GRM8: variants seen among roughly 807,000 people sequenced by gnomAD.
The protein encoded by GRM8 is glutamate metabotropic receptor 8, also known as metabotropic glutamate receptor 8.
Under a neutral mutation model 87.2 loss-of-function variants are expected in GRM8, and 47 were observed. The ratio of observed to expected loss-of-function variants is 0.54; its 90% CI spans 0.43 to 0.69. The LOEUF (loss-of-function observed/expected upper bound fraction) is 0.69. GRM8 is among the 30% of genes least tolerant of loss of function. The pLI is 0.00. For missense variants in GRM8, 1,019 were observed against 1,139.2 expected, an observed-to-expected ratio of 0.89 and a Z score of 1.52; for synonymous variants, 396 against 404.5, an observed-to-expected ratio of 0.98 and a Z score of 0.25.
chr7:126,611,554 A>G, intron 7 of GRM8, among the ~76,000 whole-genome samples: 1 of 152,254 alleles, frequency 6.6e-6, no homozygotes, highest in East Asian at 1.9e-4. Context: ...TCACATTAAC[A>G]TGATCAACTT....
At chr7:127,040,607 A>G (rs921029653) in intron 3 of GRM8, among the ~76,000 whole-genome samples, 7 of 12,524 alleles carry the variant, frequency 5.6e-4, no homozygotes, top group Non-Finnish European at 1.2e-3. Context: ...TCCTTGTGAA[A>G]AAAAAAAAAA....
chr7:127,106,775 T>C lies in GRM8; in HGVS notation c.511-63A>G, dbSNP rs1367086223. The C allele has an allele frequency of 1.3e-5, 16 of 1,209,732 alleles. No individual in the cohort carries two copies. In the African/African-American group the frequency reaches 2.2e-4, roughly 17 times the overall value. 74.9% of individuals were successfully genotyped at this position (1,209,732 alleles called of 1,614,324 possible). A position where few individuals can be genotyped will look rare whatever the true frequency, so the allele number is the denominator to read the frequency against. On this transcript the variant is annotated intron_variant, in intron 2 of 10. Coordinates refer to ENST00000339582, the MANE Select transcript of GRM8 (RefSeq NM_000845.3). ...AATCTTGAAGAATGATGGATTGTCA[T>C]ATGAGCTAAACAGCCAAGGCTATAC...
intron 2 of GRM8, among the ~76,000 whole-genome samples, chr7:127,133,159 C>A (rs1251939364): frequency 2.0e-5 from 3 of 151,768 alleles, no homozygotes; most frequent in Admixed American, 6.6e-5. Flanking sequence ...GTGGCTCACG[C>A]CTGTAATCCC....
intron 3 of GRM8, among the ~76,000 whole-genome samples, chr7:127,076,598 G>T (rs916611): frequency 6.6e-6 from 1 of 151,864 alleles, no homozygotes; most frequent in Non-Finnish European, 1.5e-5. Context: ...CTCCAATGAC[G>T]ACACCCAGAT....
intron 7 of GRM8, among the ~76,000 whole-genome samples, chr7:126,652,265 T>G (rs1335997048): frequency 2.0e-5 from 3 of 152,214 alleles, no homozygotes; most frequent in African/African-American, 7.2e-5. Context: ...GAAGGATAGC[T>G]GCATTATGTT....
rs1341640756 is a variant in GRM8 at position 126,772,230 on chromosome 7, C to T, written c.1157-2165G>A. On this transcript the variant is annotated intron_variant, in intron 6 of 10. Coordinates refer to ENST00000339582, the MANE Select transcript of GRM8 (RefSeq NM_000845.3). ...CTAGGACCAAAACCTGAAGAGCCCC[C>T]GGAAAACCAGGATGGTTGCTTATGA... Among the ~76,000 whole-genome samples, 5 of 152,078 alleles carry T rather than the reference C, an allele frequency of 3.3e-5. No individual in the cohort carries two copies. The East Asian group carries it at 5.8e-4, about 18-fold the overall frequency.
intron 7 of GRM8, among the ~76,000 whole-genome samples, chr7:126,767,296 T>C (rs986290446): frequency 1.3e-5 from 2 of 152,130 alleles, no homozygotes; most frequent in African/African-American, 4.8e-5. Context: ...TGAAATATAC[T>C]ATACTTTCAG....
At chr7:126,996,822 C>G (rs1474366935) in intron 3 of GRM8, among the ~76,000 whole-genome samples, 1 of 151,926 alleles carries the variant, frequency 6.6e-6, no homozygotes, top group Non-Finnish European at 1.5e-5. Flanking sequence ...AGGAGAGAGA[C>G]AGACCTCAGT....
chr7:126,785,310 A>T (rs1031969536), intron 6 of GRM8, among the ~76,000 whole-genome samples: 1 of 152,144 alleles, frequency 6.6e-6, no homozygotes. Flanking sequence ...TCTTTAGAAG[A>T]GCCTTTATGC....
chr7:127,154,808 T>C (rs1240837594), intron 2 of GRM8, among the ~76,000 whole-genome samples: 4 of 152,016 alleles, frequency 2.6e-5, no homozygotes, highest in Non-Finnish European at 4.4e-5. Context: ...TTCTAAAAAG[T>C]AGAAATAATT....
intron 8 of GRM8, among the ~76,000 whole-genome samples, chr7:126,595,787 C>T (rs1797126451): frequency 6.6e-6 from 1 of 152,036 alleles, no homozygotes; most frequent in South Asian, 2.1e-4. Flanking sequence ...CCATGTCTTT[C>T]CTATTGTGAA....
At chr7:126,598,572 G>A (rs1280284537) in intron 8 of GRM8, among the ~76,000 whole-genome samples, 2 of 151,902 alleles carry the variant, frequency 1.3e-5, no homozygotes, top group African/African-American at 2.4e-5. Context: ...TGTGATAAAT[G>A]TATCTTAGTA....
At chr7:126,626,219 C>T (rs1800673504) in intron 7 of GRM8, among the ~76,000 whole-genome samples, 1 of 151,896 alleles carries the variant, frequency 6.6e-6, no homozygotes, top group African/African-American at 2.4e-5. Context: ...AAGAAAGATT[C>T]TCTTTCCATC....
intron 2 of GRM8, among the ~76,000 whole-genome samples, chr7:127,125,241 A>G (rs1827296521): frequency 1.3e-5 from 2 of 152,114 alleles, no homozygotes; most frequent in African/African-American, 4.8e-5. Flanking sequence ...CAAACTATAA[A>G]ACTACAGTAA....
At chr7:127,239,805 TA>T (rs1380611103) in intron 2 of GRM8, among the ~76,000 whole-genome samples, 1 of 152,218 alleles carries the variant, frequency 6.6e-6, no homozygotes, top group African/African-American at 2.4e-5. Flanking sequence ...AAGTTGCTAT[TA>T]TCTAATTCAC....
intron 7 of GRM8, among the ~76,000 whole-genome samples, chr7:126,664,955 G>A (rs546501898): frequency 5.9e-5 from 9 of 152,062 alleles, no homozygotes; most frequent in African/African-American, 2.2e-4. Flanking sequence ...TAAACAGTGG[G>A]CAAAAGATAT....
At chr7:126,826,183 G>T (rs1210954205) in intron 6 of GRM8, among the ~76,000 whole-genome samples, 2 of 151,992 alleles carry the variant, frequency 1.3e-5, no homozygotes, top group African/African-American at 4.8e-5. Context: ...ATAAACATAC[G>T]TGTGCATGTG....
At chr7:126,868,609 C>T (rs955856399) in intron 6 of GRM8, among the ~76,000 whole-genome samples, 3 of 152,152 alleles carry the variant, frequency 2.0e-5, no homozygotes, top group Non-Finnish European at 4.4e-5. Context: ...ACGTTTTGTT[C>T]TAGACTACCA....
chr7:126,623,462 C>T (rs1800376769), intron 7 of GRM8, among the ~76,000 whole-genome samples: 1 of 152,150 alleles, frequency 6.6e-6, no homozygotes, highest in Non-Finnish European at 1.5e-5. Flanking sequence ...CAGCTTATCA[C>T]AATTCAGATT....
Sources: gnomAD v4.1 joint callset for allele counts (sites outside exome capture counted in the v4.1 genomes callset) on GRCh38, gnomAD v4.1.1 for gene constraint, MANE v1.5 for transcripts, NCBI Gene and HGNC (gene_info 2026-07-23, HGNC 2026-07-21) for gene names.